The following PDE7A variants were observed in gnomAD, a reference collection of about 807,000 sequenced individuals.
The protein encoded by PDE7A is phosphodiesterase 7A, also known as high affinity 3',5'-cyclic-AMP phosphodiesterase 7A.
PDE7A carries 39 observed loss-of-function variants against 64.3 expected under a neutral mutation model. That is an observed-to-expected ratio of 0.61 (90% CI 0.47 to 0.79). The LOEUF is 0.79. Ranked by LOEUF, PDE7A falls within the 30% of genes least tolerant of loss-of-function variation. The probability of loss-of-function intolerance (pLI) is 0.00; values close to 1 mark genes in which losing one functional copy is unlikely to be tolerated. For missense variants in PDE7A, 470 were observed against 582.8 expected (o/e 0.81, Z 1.99); for synonymous variants, 203 against 206.8 (o/e 0.98, Z 0.16).
At chr8:65,813,934 T>C (rs1002051496) in intron 1 of PDE7A, among the ~76,000 whole-genome samples, 1 of 152,226 alleles carries the variant, frequency 6.6e-6, no homozygotes, top group African/African-American at 2.4e-5. Flanking sequence ...CATAAACACC[T>C]GCATATTTTG....
intron 1 of PDE7A, chr8:65,838,491 G>C (rs949492518): frequency 3.3e-5 from 5 of 152,190 alleles, no homozygotes; most frequent in Non-Finnish European, 7.3e-5. Flanking sequence ...CCTTGGAAGA[G>C]CTGGTGTTCC....
intron 3 of PDE7A, among the ~76,000 whole-genome samples, chr8:65,768,013 G>GA (rs1052915543): frequency 7.2e-5 from 11 of 152,022 alleles, no homozygotes; most frequent in Non-Finnish European, 1.6e-4. Flanking sequence ...AACCTGTGGG[G>GA]TCTGACACTC....
At chr8:65,746,263 G>A (rs916106718) in intron 4 of PDE7A, among the ~76,000 whole-genome samples, 3 of 152,084 alleles carry the variant, frequency 2.0e-5, no homozygotes, top group Middle Eastern at 3.4e-3. Context: ...TCATTTTAGG[G>A]ACGTAGAAAC....
chr8:65,757,719 A>G (rs552777126), intron 3 of PDE7A, among the ~76,000 whole-genome samples: 3 of 152,232 alleles, frequency 2.0e-5, no homozygotes, highest in Admixed American at 1.3e-4. Flanking sequence ...CCCGGGTCCA[A>G]GTGATTCTTC....
intron 1 of PDE7A, among the ~76,000 whole-genome samples, chr8:65,798,132 GAAT>G (rs1809887618): frequency 6.9e-6 from 1 of 144,558 alleles, no homozygotes; most frequent in Non-Finnish European, 1.5e-5. Flanking sequence ...AAAAAAGGCA[GAAT>G]AAAAGAATTA....
In PDE7A at chr8:65,717,074, GTGA is replaced by G. The variant is rs926597188; in HGVS notation, c.*2213_*2215del. Among the ~76,000 whole-genome samples, 26 of 152,174 alleles carry G rather than the reference GTGA, an allele frequency of 1.7e-4. No individual in the cohort carries two copies. Among genetic ancestry groups the G allele is most frequent in the African/African-American group, 6.3e-4 (26 of 41,408 alleles). Reference sequence around the variant, plus strand: ...ATTGTTTTTATATTGACATTTTAAAGTGATACAATATTTTGGACGTATTGGAAT... The same window carrying G: ...ATTGTTTTTATATTGACATTTTAAAGTACAATATTTTGGACGTATTGGAAT... On this transcript the variant is annotated 3_prime_UTR_variant, in exon 13 of 13. Transcript: ENST00000401827.
chr8:65,762,328 GA>G (rs1228153939), intron 3 of PDE7A, among the ~76,000 whole-genome samples: 2 of 151,996 alleles, frequency 1.3e-5, no homozygotes, highest in Non-Finnish European at 2.9e-5. Flanking sequence ...CATTTTCTTA[GA>G]AAAAAATTTT....
At chr8:65,753,886 CT>C (rs1243607879) in intron 3 of PDE7A, among the ~76,000 whole-genome samples, 1 of 151,908 alleles carries the variant, frequency 6.6e-6, no homozygotes, top group Non-Finnish European at 1.5e-5. Flanking sequence ...ATCTCATAAC[CT>C]TTTTTTTCAA....
intron 1 of PDE7A, among the ~76,000 whole-genome samples, chr8:65,836,554 T>A (rs1180582519): frequency 6.6e-6 from 1 of 152,226 alleles, no homozygotes; most frequent in Non-Finnish European, 1.5e-5. Flanking sequence ...TTTTAAAGAC[T>A]TTATCAAGCA....
At chr8:65,788,831 A>G (rs1809627615) in intron 1 of PDE7A, 1 of 1,258,282 alleles carries the variant, frequency 7.9e-7, no homozygotes, top group African/African-American at 1.5e-5. Flanking sequence ...TTCCTATCAA[A>G]TATGTAAACT....
Position 65,755,229 on chromosome 8 carries a change from C to G in PDE7A, c.284-7426G>C, listed in dbSNP as rs1251402931. ...AGAGATGGGTTTTCCTCAAGTTGGC[C>G]CAGCTGGTCTTGAACTCCTGAACTC... On this transcript the variant is annotated intron_variant, in intron 3 of 12. Coordinates refer to ENST00000401827, the MANE Select transcript of PDE7A (RefSeq NM_001242318.3). 2.6e-5 allele frequency among the ~76,000 whole-genome samples: 4 copies of G among 151,896 alleles called. No individual in the cohort carries two copies. The East Asian group carries it at 7.8e-4, about 30-fold the overall frequency.
intron 1 of PDE7A, among the ~76,000 whole-genome samples, chr8:65,818,648 C>T (rs1055753906): frequency 1.2e-4 from 19 of 152,100 alleles, no homozygotes; most frequent in African/African-American, 4.6e-4. Flanking sequence ...TTGAACTTCC[C>T]AAAGAGAGAA....
At chr8:65,727,357 C>A (rs1220065464) in intron 7 of PDE7A, 56 bp from the exon 8 acceptor site, 1 of 1,599,954 alleles carries the variant, frequency 6.3e-7, no homozygotes, top group Non-Finnish European at 8.5e-7. Context: ...AAGCTCTACG[C>A]CATCACAGTA....
intron 3 of PDE7A, among the ~76,000 whole-genome samples, chr8:65,753,894 T>C (rs192786718): frequency 1.9e-3 from 296 of 152,326 alleles, no homozygotes; most frequent in Non-Finnish European, 3.6e-3. Flanking sequence ...ACCTTTTTTT[T>C]CAAAACTTAA....
chr8:65,788,837 A>C (rs1563508338), intron 1 of PDE7A: 1 of 1,309,532 alleles, frequency 7.6e-7, no homozygotes, highest in Non-Finnish European at 1.1e-6. Flanking sequence ...TCAAATATGT[A>C]AACTAATGAT....
intron 1 of PDE7A, among the ~76,000 whole-genome samples, chr8:65,828,634 T>A (rs1585952676): frequency 6.6e-6 from 1 of 152,128 alleles, no homozygotes; most frequent in Admixed American, 6.6e-5. Context: ...AGTATCTACA[T>A]TTAAAATTTT....
intron 1 of PDE7A, among the ~76,000 whole-genome samples, chr8:65,801,541 C>T (rs992400506): frequency 6.6e-6 from 1 of 151,830 alleles, no homozygotes; most frequent in East Asian, 1.9e-4. Flanking sequence ...GTATAGAGCA[C>T]CCCCCAGTAA....
Position 65,782,815 on chromosome 8 carries a change from G to A in PDE7A, c.167C>T (p.Ser56Phe). 6.3e-7 allele frequency: 1 copy of A among 1,591,164 alleles called. No individual in the cohort carries two copies. The highest frequency in any genetic ancestry group is 2.2e-5 in the East Asian group (1 of 44,552). ...ACGAATGTATAATGCAGTCTGATCA[G>A]AACTGTCATAGGAAATAGCTCCACG... is the stretch of plus-strand genomic sequence containing the variant. ...QRRGAISYDS[S>F]DQTALYIRML... Residue 56 changes from serine to phenylalanine, a missense_variant, in exon 2 of 13, where the codon TCT becomes TTT. By Grantham distance (155) the Ser-to-Phe change is radical (BLOSUM62 -2). Transcript: ENST00000401827.
intron 3 of PDE7A, among the ~76,000 whole-genome samples, chr8:65,772,056 T>C (rs1410835250): frequency 2.6e-5 from 4 of 152,200 alleles, no homozygotes; most frequent in South Asian, 2.1e-4. Flanking sequence ...GAATAGGCTA[T>C]GTAAGCATAC....
Sources: gnomAD v4.1 joint callset for allele counts (sites outside exome capture counted in the v4.1 genomes callset) on GRCh38, gnomAD v4.1.1 for gene constraint, MANE v1.5 for transcripts, NCBI Gene and HGNC (gene_info 2026-07-23, HGNC 2026-07-21) for gene names.